WDR25: variants seen among roughly 807,000 people sequenced by gnomAD.
The protein encoded by WDR25 is WD repeat-containing protein 25.
A neutral mutation model predicts 47.7 loss-of-function variants in WDR25; 35 were observed. The ratio of observed to expected loss-of-function variants is 0.73; its 90% CI spans 0.56 to 0.97. The LOEUF (loss-of-function observed/expected upper bound fraction) is 0.97. Among genes scored for constraint, WDR25 ranks in the 50% least tolerant of loss-of-function variants. The pLI, the probability that WDR25 is intolerant of heterozygous loss-of-function variation, is 0.00. For missense variants in WDR25, 634 were observed against 704.7 expected, an observed-to-expected ratio of 0.90 and a Z score of 1.14; for synonymous variants, 248 against 278.9, an observed-to-expected ratio of 0.89 and a Z score of 1.10.
Position 100,506,678 on chromosome 14 carries a change from T to A in WDR25, c.1102-19192T>A, listed in dbSNP as rs1901122590. On this transcript the variant is annotated intron_variant, in intron 4 of 6. Transcript: ENST00000402312. This position sits in a 1 kb window ranked among gnomAD's most constrained non-coding sequence, Gnocchi z 4.8. ...CTCTGCTGACTAGTGATGTTGAACA[T>A]TTTTTCATATTTGCTGGCTGCCTGT... Among the ~76,000 whole-genome samples the A allele has an allele frequency of 6.6e-6, 1 of 152,234 alleles. No individual in the cohort carries two copies. Among genetic ancestry groups the A allele is most frequent in the Non-Finnish European group, 1.5e-5 (1 of 68,036 alleles).
At chr14:100,433,588 T>C (rs1407778379) in intron 2 of WDR25, among the ~76,000 whole-genome samples, 1 of 152,250 alleles carries the variant, frequency 6.6e-6, no homozygotes, top group Non-Finnish European at 1.5e-5. Context: ...TCCATGATTC[T>C]TACCTGAGTC....
intron 4 of WDR25, among the ~76,000 whole-genome samples, chr14:100,492,152 G>A (rs973053369): frequency 6.6e-6 from 1 of 152,228 alleles, no homozygotes; most frequent in Non-Finnish European, 1.5e-5. Flanking sequence ...CTGTAGAAGG[G>A]ACTGCTGAAA....
At chr14:100,376,854 T>C in intron 1 of WDR25, 1 of 864,392 alleles carries the variant, frequency 1.2e-6, no homozygotes, top group Non-Finnish European at 1.5e-6. Flanking sequence ...ATCCTATTTC[T>C]TTTACTTCCT....
chr14:100,402,946 C>T (rs1897423462), intron 2 of WDR25, among the ~76,000 whole-genome samples: 1 of 152,124 alleles, frequency 6.6e-6, no homozygotes, highest in Non-Finnish European at 1.5e-5. Context: ...AGGTTGTCCT[C>T]CTGAGGGTCC....
intron 3 of WDR25, among the ~76,000 whole-genome samples, chr14:100,469,949 C>T (rs1899772667): frequency 6.6e-6 from 1 of 152,226 alleles, no homozygotes; most frequent in African/African-American, 2.4e-5. Context: ...CAGAGCTGAA[C>T]AAGACCCAGT....
At chr14:100,441,301 C>T (rs1003801365) in intron 2 of WDR25, among the ~76,000 whole-genome samples, 1 of 152,044 alleles carries the variant, frequency 6.6e-6, no homozygotes, top group African/African-American at 2.4e-5. Flanking sequence ...AGAATGGGGG[C>T]TAGAAAGATG....
At chr14:100,489,127 T>C (rs139713671) in intron 4 of WDR25, among the ~76,000 whole-genome samples, 1,731 of 152,346 alleles carry the variant, frequency 0.011, 17 homozygotes, top group Non-Finnish European at 0.019. Flanking sequence ...AGTGAGTCAT[T>C]CCAGAAGTGT....
At chr14:100,514,586 T>TTATATC (rs1256912796) in intron 4 of WDR25, among the ~76,000 whole-genome samples, 2 of 152,262 alleles carry the variant, frequency 1.3e-5, no homozygotes, top group East Asian at 3.9e-4. Context: ...TTAAGTCACA[T>TTATATC]TATATCTCTT....
rs377698115 is a variant in WDR25 at position 100,382,778 on chromosome 14, C to T, written c.822+1032C>T. On this transcript the variant is annotated intron_variant, in intron 2 of 6. Coordinates refer to ENST00000402312, the MANE Select transcript of WDR25 (RefSeq NM_001161476.3). ...AATAACTTCAAGGGACCTGGCTTCA[C>T]ATCCAGCTTTGCTGCAGAGTAGCTA... Among the ~76,000 whole-genome samples, 156 of 152,344 alleles carry T rather than the reference C, an allele frequency of 1.0e-3. 1 individual carries two copies. The highest frequency in any genetic ancestry group is 3.4e-3 in the African/African-American group (140 of 41,568).
chr14:100,484,818 G>C (rs1281804249), intron 4 of WDR25, among the ~76,000 whole-genome samples: 1 of 152,074 alleles, frequency 6.6e-6, no homozygotes, highest in African/African-American at 2.4e-5. Flanking sequence ...CTCTGCTATT[G>C]TCTCTCGCTG....
chr14:100,413,456 C>G, intron 2 of WDR25, among the ~76,000 whole-genome samples: 1 of 151,710 alleles, frequency 6.6e-6, no homozygotes, highest in East Asian at 1.9e-4. Context: ...CTCTGTCGCC[C>G]AGGCTGGAGT....
rs1901122590 is a variant in WDR25 at position 100,506,678 on chromosome 14, T to G, written c.1102-19192T>G. ...CTCTGCTGACTAGTGATGTTGAACA[T>G]TTTTTCATATTTGCTGGCTGCCTGT... On this transcript the variant is annotated intron_variant, in intron 4 of 6. Transcript: ENST00000402312. This position sits in a 1 kb window ranked among gnomAD's most constrained non-coding sequence, Gnocchi z 4.8. Among the ~76,000 whole-genome samples the G allele has an allele frequency of 6.6e-6, 1 of 152,234 alleles. No homozygotes were observed. The highest frequency in any genetic ancestry group is 2.4e-5 in the African/African-American group (1 of 41,456).
chr14:100,484,902 C>T (rs769024689), intron 4 of WDR25, among the ~76,000 whole-genome samples: 19 of 152,188 alleles, frequency 1.2e-4, no homozygotes, highest in Non-Finnish European at 2.2e-4. Flanking sequence ...TCAACACAGC[C>T]GCTAGACTGG....
At chr14:100,391,383 G>A (rs1189931697) in intron 2 of WDR25, among the ~76,000 whole-genome samples, 1 of 152,144 alleles carries the variant, frequency 6.6e-6, no homozygotes, top group East Asian at 1.9e-4. Flanking sequence ...CAGCGCCGCG[G>A]TCCCCGGCAG....
chr14:100,462,276 A>G (rs531017909), intron 2 of WDR25, among the ~76,000 whole-genome samples: 37 of 152,340 alleles, frequency 2.4e-4, no homozygotes, highest in African/African-American at 8.7e-4. Context: ...GGACACAAAG[A>G]ATGTCTCTAG....
At chr14:100,429,573 T>C (rs190246778) in intron 2 of WDR25, among the ~76,000 whole-genome samples, 1 of 152,190 alleles carries the variant, frequency 6.6e-6, no homozygotes, top group Non-Finnish European at 1.5e-5. Flanking sequence ...AACCCCATAA[T>C]ATAGGTGACA....
At chr14:100,472,125 C>T (rs1426781792) in intron 3 of WDR25, among the ~76,000 whole-genome samples, 4 of 152,246 alleles carry the variant, frequency 2.6e-5, no homozygotes, top group Non-Finnish European at 5.9e-5. Context: ...GCCTGACCCT[C>T]GAGGCTGCAG....
chr14:100,432,093 A>C (rs1898357538), intron 2 of WDR25, among the ~76,000 whole-genome samples: 1 of 152,178 alleles, frequency 6.6e-6, no homozygotes, highest in Non-Finnish European at 1.5e-5. Context: ...GATGTGTTAC[A>C]CTTGTACATC....
At chr14:100,470,340 G>A (rs1025368299) in intron 3 of WDR25, among the ~76,000 whole-genome samples, 2 of 152,170 alleles carry the variant, frequency 1.3e-5, no homozygotes, top group African/African-American at 4.8e-5. Flanking sequence ...GCACATGTGG[G>A]TAGCACACCG....
Sources: gnomAD v4.1 joint callset for allele counts (sites outside exome capture counted in the v4.1 genomes callset) on GRCh38, gnomAD v4.1.1 for gene constraint, Gnocchi (gnomAD v3.1) non-coding constraint, MANE v1.5 for transcripts, NCBI Gene and HGNC (gene_info 2026-07-23, HGNC 2026-07-21) for gene names.